Variants in BNC2 observed in about 807,000 individuals in gnomAD.
BNC2 encodes the protein zinc finger protein basonuclin-2.
A neutral mutation model predicts 76.3 loss-of-function variants in BNC2; 20 were observed. That is an observed-to-expected ratio of 0.26 (90% CI 0.18 to 0.38). The LOEUF (loss-of-function observed/expected upper bound fraction) is 0.38, where lower values mean the gene tolerates loss of function less well. BNC2 is among the 10% of genes least tolerant of loss of function. BNC2 has a pLI of 1.00. For synonymous variants in BNC2, 582 were observed against 514.8 expected, an observed-to-expected ratio of 1.13 and a Z score of -1.77; for missense variants, 1,382 against 1,399.8, an observed-to-expected ratio of 0.99 and a Z score of 0.20.
rs117604787 is a variant in BNC2 at position 16,601,580 on chromosome 9, C to T, written c.331-18495G>A. 4.3e-3 allele frequency among the ~76,000 whole-genome samples: 659 copies of T among 152,190 alleles called. 5 individuals carry two copies. Among genetic ancestry groups the T allele is most frequent in the Non-Finnish European group, 7.2e-3 (490 of 68,002 alleles). Reference sequence around the variant, plus strand: ...TTCTCAGAGGGAGCTGAGTCCAAGCCAACTGTTGAAGCAAGATCCTACTAC... The same window carrying T: ...TTCTCAGAGGGAGCTGAGTCCAAGCTAACTGTTGAAGCAAGATCCTACTAC... On this transcript the variant is annotated intron_variant, in intron 3 of 6. Transcript: ENST00000380672.
chr9:16,739,046 C>T (rs920873978), intron 1 of BNC2, among the ~76,000 whole-genome samples: 2 of 150,528 alleles, frequency 1.3e-5, no homozygotes, highest in African/African-American at 4.9e-5. Context: ...AAAAAAAAAG[C>T]TTCTACACCG....
intron 1 of BNC2, among the ~76,000 whole-genome samples, chr9:16,778,169 A>C (rs1340231709): frequency 6.6e-6 from 1 of 152,076 alleles, no homozygotes; most frequent in Non-Finnish European, 1.5e-5. Context: ...CATAATGAGG[A>C]AACTGTAAAG....
At chr9:16,528,460 A>G (rs755692612) in intron 5 of BNC2, among the ~76,000 whole-genome samples, 3 of 152,214 alleles carry the variant, frequency 2.0e-5, no homozygotes, top group Non-Finnish European at 4.4e-5. Flanking sequence ...AACAACTTCC[A>G]CTGTTGATTT....
chr9:16,422,489 G>A (rs1393567124), intron 6 of BNC2, among the ~76,000 whole-genome samples: 1 of 152,152 alleles, frequency 6.6e-6, no homozygotes, highest in African/African-American at 2.4e-5. Context: ...CATGGTAGTC[G>A]ATTTCCATTA....
At chr9:16,862,113 C>T (rs1028635122) in intron 1 of BNC2, among the ~76,000 whole-genome samples, 2 of 152,054 alleles carry the variant, frequency 1.3e-5, no homozygotes, top group Non-Finnish European at 2.9e-5. Context: ...TTTGGAAGTT[C>T]CTCAAAAAGT....
intron 1 of BNC2, among the ~76,000 whole-genome samples, chr9:16,743,511 G>A (rs890648944): frequency 6.6e-6 from 1 of 152,186 alleles, no homozygotes; most frequent in African/African-American, 2.4e-5. Flanking sequence ...CCTTTGTGTA[G>A]TATTGTGGGT....
intron 3 of BNC2, among the ~76,000 whole-genome samples, chr9:16,694,252 G>A (rs1587323755): frequency 6.6e-6 from 1 of 152,244 alleles, no homozygotes; most frequent in East Asian, 1.9e-4. Context: ...AATGAAATAG[G>A]ATAGAAGAAT....
intron 3 of BNC2, among the ~76,000 whole-genome samples, chr9:16,665,445 A>AG (rs1822254204): frequency 6.8e-5 from 7 of 103,170 alleles, no homozygotes; most frequent in African/African-American, 2.9e-4. Context: ...AAAGAAAGAA[A>AG]GAAAGAAAGA....
intron 1 of BNC2, among the ~76,000 whole-genome samples, chr9:16,760,278 G>A (rs1367894813): frequency 6.6e-6 from 1 of 152,166 alleles, no homozygotes; most frequent in African/African-American, 2.4e-5. Flanking sequence ...TCAGAAAAAT[G>A]TACCCACACT....
chr9:16,585,720 A>G (rs76217447), intron 3 of BNC2, among the ~76,000 whole-genome samples: 3,428 of 152,316 alleles, frequency 0.023, 48 homozygotes, highest in Non-Finnish European at 0.034. Context: ...ATAAGTTATC[A>G]TAAAACTATC....
At chr9:16,724,567 C>T (rs1824257661) in intron 3 of BNC2, among the ~76,000 whole-genome samples, 1 of 151,996 alleles carries the variant, frequency 6.6e-6, no homozygotes, top group Non-Finnish European at 1.5e-5. Flanking sequence ...TGTACAGGCA[C>T]AGGAAAATGT....
At position 16,552,611 on chromosome 9, in the gene BNC2, G is replaced by T; in HGVS notation, c.588C>A (p.Val196=). The T allele has an allele frequency of 1.9e-6, 3 of 1,614,220 alleles. No individual in the cohort carries two copies. The highest frequency in any genetic ancestry group is 2.5e-6 in the Non-Finnish European group (3 of 1,180,042). The change falls in exon 5 of 7, where the codon GTC becomes GTA. Residue 196 remains valine (V), a synonymous_variant. Transcript: ENST00000380672. Reference sequence around the variant, plus strand: ...TGTGCAGTACCTCCTCTTGCTTCAGGACGCTGAAGAGACGGTCCAGCAGGA... The same window carrying T: ...TGTGCAGTACCTCCTCTTGCTTCAGTACGCTGAAGAGACGGTCCAGCAGGA... ...LKILLDRLFS[V]LKQEEVLHIL... is the part of the protein sequence containing the mutation.
At chr9:16,861,641 T>C (rs939544275) in intron 1 of BNC2, among the ~76,000 whole-genome samples, 3 of 151,780 alleles carry the variant, frequency 2.0e-5, no homozygotes, top group South Asian at 4.2e-4. Context: ...GTCACTAGTA[T>C]GATTCAAATA....
At chr9:16,670,370 C>T (rs573007265) in intron 3 of BNC2, among the ~76,000 whole-genome samples, 1 of 152,202 alleles carries the variant, frequency 6.6e-6, no homozygotes, top group South Asian at 2.1e-4. Context: ...GGCTGGAATT[C>T]AGGGCGCGAT....
At position 16,436,187 on chromosome 9, in the gene BNC2, G is replaced by A. The variant is rs755261556; in HGVS notation, c.2007C>T (p.Asp669=). The change falls in exon 6 of 7, where the codon GAC becomes GAT. Residue 669 remains aspartate, a synonymous_variant. Transcript: ENST00000380672. ...DPNDGGAVVN[D]MSHDNHCHSQ... ...AGTGACAATGATTGTCATGGCTCAT[G>A]TCATTGACCACAGCTCCACCATCAT... 4.3e-6 allele frequency: 7 copies of A among 1,614,052 alleles called. No individual in the cohort carries two copies. In the East Asian group the frequency reaches 8.9e-5, roughly 21 times the overall value.
rs994050058 is a variant in BNC2 at position 16,623,000 on chromosome 9, G to T, written c.331-39915C>A. Among the ~76,000 whole-genome samples the T allele has an allele frequency of 1.6e-4, 24 of 152,062 alleles. 1 individual carries two copies. Among genetic ancestry groups the T allele is most frequent in the African/African-American group, 4.3e-4 (18 of 41,394 alleles). ...TACTGAAGATTTGAATCAGTTTGCTGTCTGAATCAAAGAAAGAAAACATAA... is the reference window on the plus strand; with the variant it reads ...TACTGAAGATTTGAATCAGTTTGCTTTCTGAATCAAAGAAAGAAAACATAA... On this transcript the variant is annotated intron_variant, in intron 3 of 6. Coordinates refer to ENST00000380672, the MANE Select transcript of BNC2 (RefSeq NM_017637.6).
At chr9:16,805,956 A>C (rs983700671) in intron 1 of BNC2, among the ~76,000 whole-genome samples, 10 of 152,212 alleles carry the variant, frequency 6.6e-5, no homozygotes, top group African/African-American at 2.4e-4. Context: ...AATGTGAAAT[A>C]GTTTGTGAAG....
intron 1 of BNC2, among the ~76,000 whole-genome samples, chr9:16,826,164 TC>T (rs1265971983): frequency 2.6e-5 from 4 of 151,942 alleles, no homozygotes; most frequent in Non-Finnish European, 2.9e-5. Context: ...TAAAAGCTAG[TC>T]ACTGGTGACA....
chr9:16,575,964 C>T (rs1018364831), intron 4 of BNC2, among the ~76,000 whole-genome samples: 2 of 152,316 alleles, frequency 1.3e-5, no homozygotes, highest in South Asian at 2.1e-4. Context: ...CACCAGCTTC[C>T]GCTTTTTCCA....
Sources: allele counts gnomAD v4.1 joint callset (sites outside exome capture counted in the v4.1 genomes callset), GRCh38; gene constraint gnomAD v4.1.1; transcripts MANE v1.5; gene names NCBI Gene and HGNC (gene_info 2026-07-23, HGNC 2026-07-21).